FAM117B: variants seen among roughly 807,000 people sequenced by gnomAD.
The protein encoded by FAM117B is family with sequence similarity 117 member B.
In FAM117B, 22 loss-of-function variants were observed where a neutral mutation model predicts 52.8. The observed-to-expected ratio is 0.42, with a 90% CI of 0.30 to 0.59. The LOEUF (loss-of-function observed/expected upper bound fraction) is 0.59. Among genes scored for constraint, FAM117B ranks in the 20% least tolerant of loss-of-function variants. The pLI is 0.22. For synonymous variants in FAM117B, 309 were observed against 324.1 expected (o/e 0.95, Z 0.50); for missense variants, 678 against 802.6 (o/e 0.84, Z 1.88).
chr2:202,735,271 G>T (rs1168465847), intron 4 of FAM117B, among the ~76,000 whole-genome samples: 3 of 152,072 alleles, frequency 2.0e-5, no homozygotes, highest in Non-Finnish European at 4.4e-5. Flanking sequence ...GTATTTGGGG[G>T]ATTCTTTGTG....
chr2:202,720,726 C>G (rs932633174), intron 2 of FAM117B, among the ~76,000 whole-genome samples: 1 of 151,990 alleles, frequency 6.6e-6, no homozygotes, highest in African/African-American at 2.4e-5. Context: ...TAGAACAGGT[C>G]ATTCTCGCAC....
At chr2:202,764,213 C>G (rs1691941300) in intron 7 of FAM117B, among the ~76,000 whole-genome samples, 1 of 152,156 alleles carries the variant, frequency 6.6e-6, no homozygotes, top group Admixed American at 6.5e-5. Flanking sequence ...ATTGTTTCAA[C>G]TTTGTATCCT....
At chr2:202,718,349 C>T (rs1477909690) in intron 2 of FAM117B, among the ~76,000 whole-genome samples, 20 of 152,128 alleles carry the variant, frequency 1.3e-4, no homozygotes, top group Admixed American at 9.8e-4. Context: ...GTGGGCTTCT[C>T]CTTTATGAAT....
Position 202,668,494 on chromosome 2 carries a change from C to T in FAM117B, c.602-27387C>T, listed in dbSNP as rs1388945249. Among the ~76,000 whole-genome samples, 3 of 136,746 alleles carry T rather than the reference C, an allele frequency of 2.2e-5. No individual in the cohort carries two copies. In the East Asian group the frequency reaches 6.2e-4, roughly 28 times the overall value. The allele number at this position is 136,746 out of a possible 152,430, so 89.7% of individuals were successfully genotyped here. On this transcript the variant is annotated intron_variant, in intron 1 of 7. Coordinates refer to ENST00000392238, the MANE Select transcript of FAM117B (RefSeq NM_173511.4). Reference sequence around the variant, plus strand: ...AGTGAGCTGAGATCACGCCACTGCACTCCAGACTGTGTGACAGAGCGAGAC... The same window carrying T: ...AGTGAGCTGAGATCACGCCACTGCATTCCAGACTGTGTGACAGAGCGAGAC...
intron 1 of FAM117B, among the ~76,000 whole-genome samples, chr2:202,667,454 CTGTGTGTCTGTGTG>C (rs1559097954): frequency 6.6e-6 from 1 of 151,436 alleles, no homozygotes; most frequent in African/African-American, 2.4e-5. Flanking sequence ...GTATGTGTGT[CTGTGTGTCTGTGTG>C]TGTGTGTCTG....
At chr2:202,653,063 T>C (rs904424105) in intron 1 of FAM117B, among the ~76,000 whole-genome samples, 6 of 152,154 alleles carry the variant, frequency 3.9e-5, no homozygotes, top group South Asian at 4.1e-4. Flanking sequence ...TCAGGAGTTT[T>C]CGAGACCAGC....
At chr2:202,744,032 A>G (rs1237908176) in intron 4 of FAM117B, among the ~76,000 whole-genome samples, 2 of 152,228 alleles carry the variant, frequency 1.3e-5, no homozygotes, top group African/African-American at 4.8e-5. Context: ...AAAGATCCCC[A>G]AATAGATTTA....
chr2:202,699,426 C>CAAAAAAAAAAAAA (rs751190825), intron 2 of FAM117B, among the ~76,000 whole-genome samples: 21 of 17,876 alleles, frequency 1.2e-3, no homozygotes, highest in African/African-American at 1.4e-3. Flanking sequence ...GACCCCATCT[C>CAAAAAAAAAAAAA]AAAAAAAAAA....
In FAM117B at chr2:202,767,225, A is replaced by G. The variant is rs1559119315; in HGVS notation, c.*1461A>G. On this transcript the variant is annotated 3_prime_UTR_variant, in exon 8 of 8. Transcript: ENST00000392238. ...GCCCAGGCTGGAGTGCAATGGCGCA[A>G]TCTCGGCTCACTGCGACCTCTGTCT... is the stretch of plus-strand genomic sequence containing the variant. 6.8e-6 allele frequency: 1 copy of G among 146,472 alleles called. No homozygotes were observed. Among genetic ancestry groups the G allele is most frequent in the Non-Finnish European group, 1.5e-5 (1 of 67,646 alleles). 9.1% of individuals were successfully genotyped at this position (146,472 alleles called of 1,614,324 possible). A position where few individuals can be genotyped will look rare whatever the true frequency, so the allele number is the denominator to read the frequency against.
chr2:202,665,646 G>C (rs1398943429), intron 1 of FAM117B, among the ~76,000 whole-genome samples: 1 of 152,098 alleles, frequency 6.6e-6, no homozygotes, highest in Non-Finnish European at 1.5e-5. Context: ...TATCACCCAG[G>C]CTGGAGTGCA....
At chr2:202,752,561 C>A (rs1456969353) in intron 4 of FAM117B, among the ~76,000 whole-genome samples, 1 of 151,852 alleles carries the variant, frequency 6.6e-6, no homozygotes, top group East Asian at 1.9e-4. Flanking sequence ...ATCAGTGTTA[C>A]CTTTGTCTTC....
intron 4 of FAM117B, among the ~76,000 whole-genome samples, chr2:202,750,539 A>G (rs1329356290): frequency 2.6e-5 from 4 of 152,076 alleles, no homozygotes; most frequent in Admixed American, 6.6e-5. Context: ...ACAAAACTCA[A>G]CTACTGCCTT....
chr2:202,637,862 T>C (rs572801172), intron 1 of FAM117B, among the ~76,000 whole-genome samples: 21 of 151,180 alleles, frequency 1.4e-4, no homozygotes, highest in African/African-American at 4.4e-4. Context: ...TACATGTACT[T>C]AGTTAGGTAA....
At chr2:202,755,410 TCA>T (rs1691786124) in intron 4 of FAM117B, 126 bp from the exon 5 acceptor site, 8 of 1,136,070 alleles carry the variant, frequency 7.0e-6, no homozygotes, top group Non-Finnish European at 8.8e-6. Context: ...GTTTGGTCAC[TCA>T]CACTTTTTGT....
chr2:202,733,096 A>C (rs1691382653), intron 4 of FAM117B, among the ~76,000 whole-genome samples: 1 of 152,152 alleles, frequency 6.6e-6, no homozygotes, highest in South Asian at 2.1e-4. Context: ...TGGGGGTGAC[A>C]TCACATATTG....
rs1403539894 is a variant in FAM117B, at chr2:202,724,958, A to G, written c.795A>G (p.Lys265=). The G allele has an allele frequency of 3.7e-6, 6 of 1,613,160 alleles. No individual in the cohort carries two copies. The highest frequency in any genetic ancestry group is 4.2e-6 in the Non-Finnish European group (5 of 1,179,364). The change falls in exon 3 of 8, where the codon AAA becomes AAG. Residue 265 remains lysine (K), a synonymous_variant. Coordinates refer to ENST00000392238, the MANE Select transcript of FAM117B (RefSeq NM_173511.4). The part of the protein sequence containing the change: ...AWAEEYSEKK[K]GSHKRSASWG... Reference sequence around the variant, plus strand: ...CTGAAGAATACTCTGAAAAGAAGAAAGGGTCTCACAAGCGCTCAGCATCTT... The same window carrying G: ...CTGAAGAATACTCTGAAAAGAAGAAGGGGTCTCACAAGCGCTCAGCATCTT...
chr2:202,643,958 C>A (rs1198712655), intron 1 of FAM117B, among the ~76,000 whole-genome samples: 1 of 151,974 alleles, frequency 6.6e-6, no homozygotes, highest in Non-Finnish European at 1.5e-5. Context: ...GATCCACCCG[C>A]CTTGGCCTCC....
chr2:202,714,568 G>A (rs1691011824), intron 2 of FAM117B, among the ~76,000 whole-genome samples: 1 of 116,042 alleles, frequency 8.6e-6, no homozygotes, highest in Admixed American at 9.6e-5. Flanking sequence ...ATTCTTGGGT[G>A]TTTCTCGCAG....
chr2:202,761,508 TTTTTTGTTTTTG>T (rs1172823467), intron 7 of FAM117B, among the ~76,000 whole-genome samples: 4 of 151,710 alleles, frequency 2.6e-5, no homozygotes, highest in African/African-American at 9.7e-5. Flanking sequence ...CATGGTTGGG[TTTTTTGTTTTTG>T]TTTTTGTTTT....
Sources: gnomAD v4.1 joint callset for allele counts (sites outside exome capture counted in the v4.1 genomes callset) on GRCh38, gnomAD v4.1.1 for gene constraint, MANE v1.5 for transcripts, NCBI Gene and HGNC (gene_info 2026-07-23, HGNC 2026-07-21) for gene names.